L3MBTL3: variants seen among roughly 807,000 people sequenced by gnomAD.
The protein encoded by L3MBTL3 is lethal(3)malignant brain tumor-like protein 3.
L3MBTL3 carries 27 observed loss-of-function variants against 102.3 expected under a neutral mutation model. The ratio of observed to expected loss-of-function variants is 0.26; its 90% CI spans 0.19 to 0.36. L3MBTL3 has a LOEUF of 0.36. Among genes scored for constraint, L3MBTL3 ranks in the 10% least tolerant of loss-of-function variants. The pLI is 1.00. For synonymous variants in L3MBTL3, 340 were observed against 320.9 expected, an observed-to-expected ratio of 1.06 and a Z score of -0.64; for missense variants, 798 against 955.3, an observed-to-expected ratio of 0.84 and a Z score of 2.17.
chr6:130,072,199 A>G (rs1448264957), intron 13 of L3MBTL3, among the ~76,000 whole-genome samples: 2 of 152,128 alleles, frequency 1.3e-5, no homozygotes, highest in Non-Finnish European at 2.9e-5. Context: ...CAGTATAACA[A>G]TTATTTACGT....
chr6:130,099,297 C>T (rs1424590893), intron 18 of L3MBTL3, among the ~76,000 whole-genome samples: 2 of 152,170 alleles, frequency 1.3e-5, no homozygotes. Flanking sequence ...TGTACATATA[C>T]ATGTGCACGT....
chr6:130,118,189 C>T (rs777086969), intron 19 of L3MBTL3, among the ~76,000 whole-genome samples: 3 of 151,984 alleles, frequency 2.0e-5, no homozygotes, highest in South Asian at 2.1e-4. Context: ...AAATAAAAGA[C>T]GATTGAATCC....
intron 1 of L3MBTL3, among the ~76,000 whole-genome samples, chr6:130,021,057 CTT>C (rs774001589): frequency 9.2e-5 from 14 of 151,976 alleles, no homozygotes; most frequent in Non-Finnish European, 1.9e-4. Flanking sequence ...TTTGTGATGT[CTT>C]TATTGGTTTA....
chr6:130,042,830 G>T, intron 3 of L3MBTL3, 29 bp downstream of exon 3: 1 of 1,387,000 alleles, frequency 7.2e-7, no homozygotes, highest in Non-Finnish European at 1.0e-6. Context: ...ATACAATTAT[G>T]TGTGTGTGCA....
intron 6 of L3MBTL3, 133 bp downstream of exon 6, chr6:130,051,541 A>G: frequency 2.6e-6 from 2 of 782,350 alleles, no homozygotes; most frequent in Non-Finnish European, 4.1e-6. Flanking sequence ...CTTTTCCTTT[A>G]GGGCCACATG....
chr6:130,088,152 C>T (rs1783808392), intron 16 of L3MBTL3, among the ~76,000 whole-genome samples: 1 of 152,090 alleles, frequency 6.6e-6, no homozygotes, highest in Non-Finnish European at 1.5e-5. Context: ...CTGGTCAGTC[C>T]ATAACACCCC....
At chr6:130,093,023 A>G (rs1784152512) in intron 17 of L3MBTL3, among the ~76,000 whole-genome samples, 164 bp downstream of exon 17, 1 of 152,128 alleles carries the variant, frequency 6.6e-6, no homozygotes, top group South Asian at 2.1e-4. Flanking sequence ...TCACAGAAAT[A>G]TAAATGGAAA....
At chr6:130,111,550 A>G (rs1785347232) in intron 19 of L3MBTL3, among the ~76,000 whole-genome samples, 1 of 152,226 alleles carries the variant, frequency 6.6e-6, no homozygotes. Context: ...CCCCAGAATG[A>G]GTGATGTGCT....
chr6:130,020,961 CTG>C (rs1247733973), intron 1 of L3MBTL3, among the ~76,000 whole-genome samples: 1 of 151,220 alleles, frequency 6.6e-6, no homozygotes, highest in African/African-American at 2.4e-5. Flanking sequence ...TTAGGGGAAA[CTG>C]AGATGAGAAA....
intron 13 of L3MBTL3, 51 bp downstream of exon 13, chr6:130,071,178 A>G: frequency 6.6e-7 from 1 of 1,523,830 alleles, no homozygotes; most frequent in Non-Finnish European, 9.0e-7. Flanking sequence ...TTATCCAAGT[A>G]AATGGTTTGA....
At chr6:130,134,883 C>T (rs527239313) in intron 22 of L3MBTL3, among the ~76,000 whole-genome samples, 19 of 152,246 alleles carry the variant, frequency 1.2e-4, no homozygotes, top group African/African-American at 2.2e-4. Flanking sequence ...ATAATTTATG[C>T]GTTAGATGAA....
intron 14 of L3MBTL3, among the ~76,000 whole-genome samples, chr6:130,079,855 T>A (rs1783202906): frequency 6.6e-6 from 1 of 152,206 alleles, no homozygotes; most frequent in Admixed American, 6.5e-5. Context: ...TCCTATCCAC[T>A]CCCTGAGTTT....
chr6:130,081,398 G>T (rs1055258582), intron 14 of L3MBTL3, among the ~76,000 whole-genome samples: 4 of 151,512 alleles, frequency 2.6e-5, no homozygotes, highest in African/African-American at 9.7e-5. Context: ...TGTATACACA[G>T]AACTATGTTT....
intron 2 of L3MBTL3, among the ~76,000 whole-genome samples, chr6:130,035,980 TTGTGTGTG>T (rs71709041): frequency 0.47 from 70,571 of 149,148 alleles, 18,326 homozygotes; most frequent in East Asian, 0.75. Flanking sequence ...CCTACCTGTT[TTGTGTGTG>T]TGTGTGTGTG....
intron 3 of L3MBTL3, among the ~76,000 whole-genome samples, chr6:130,046,893 G>A (rs1780758136): frequency 6.6e-6 from 1 of 152,160 alleles, no homozygotes; most frequent in Non-Finnish European, 1.5e-5. Flanking sequence ...AATTCTGTCT[G>A]TAGGACTTCA....
rs200725270 is a variant in L3MBTL3, at chr6:130,106,684, ATTC to A, written c.1886+2114_1886+2116del. ...GGTATGCAGCAACGCTGGTCTTAGA[ATTC>A]TTCTCCTAATCATCTCCTCCCCTTC... On this transcript the variant is annotated intron_variant, in intron 19 of 22. Transcript: ENST00000361794. Among the ~76,000 whole-genome samples the A allele has an allele frequency of 7.5e-3, 1,136 of 152,212 alleles. 4 individuals are homozygous for A. The highest frequency in any genetic ancestry group is 0.012 in the Non-Finnish European group (799 of 67,994).
At chr6:130,058,007 G>T (rs1250010536) in intron 9 of L3MBTL3, among the ~76,000 whole-genome samples, 1 of 151,646 alleles carries the variant, frequency 6.6e-6, no homozygotes, top group Non-Finnish European at 1.5e-5. Context: ...GCCGGGCGCG[G>T]TGGCGGGTGC....
chr6:130,020,322 G>A (rs1272237219), intron 1 of L3MBTL3, among the ~76,000 whole-genome samples: 2 of 151,844 alleles, frequency 1.3e-5, no homozygotes, highest in African/African-American at 2.4e-5. Context: ...AGCTGGTGGA[G>A]TGTGGGGGCC....
chr6:130,026,212 A>G (rs1366861882), intron 2 of L3MBTL3, among the ~76,000 whole-genome samples: 1 of 152,152 alleles, frequency 6.6e-6, no homozygotes, highest in African/African-American at 2.4e-5. Flanking sequence ...ATTCATCCAA[A>G]AAATACTTTG....
Sources: allele counts gnomAD v4.1 joint callset (sites outside exome capture counted in the v4.1 genomes callset), GRCh38; gene constraint gnomAD v4.1.1; transcripts MANE v1.5; gene names NCBI Gene and HGNC (gene_info 2026-07-23, HGNC 2026-07-21).